Variants in SGCZ observed in about 807,000 individuals in gnomAD.
SGCZ encodes zeta-sarcoglycan.
A neutral mutation model predicts 41.3 loss-of-function variants in SGCZ; 40 were observed. The observed-to-expected ratio is 0.97, with a 90% CI of 0.75 to 1.26. The LOEUF (loss-of-function observed/expected upper bound fraction) is 1.26, where lower values mean the gene tolerates loss of function less well. SGCZ is among the 50% of genes most tolerant of loss of function. The probability of loss-of-function intolerance (pLI) is 0.00; values close to 1 mark genes in which losing one functional copy is unlikely to be tolerated. For missense variants in SGCZ, 552 were observed against 369.8 expected (o/e 1.49, Z -4.04); for synonymous variants, 206 against 137.5 (o/e 1.50, Z -3.49).
intron 4 of SGCZ, among the ~76,000 whole-genome samples, chr8:14,216,116 G>A (rs1003359217): frequency 6.6e-6 from 1 of 152,242 alleles, no homozygotes; most frequent in Non-Finnish European, 1.5e-5. Context: ...TCCCCTGAGA[G>A]AGTAGCCTTG....
intron 1 of SGCZ, among the ~76,000 whole-genome samples, chr8:14,955,189 A>T (rs1010325064): frequency 1.3e-5 from 2 of 152,092 alleles, no homozygotes; most frequent in African/African-American, 4.8e-5. Context: ...AAAAAAGAAA[A>T]CTTCAAAACT....
intron 2 of SGCZ, among the ~76,000 whole-genome samples, chr8:14,438,724 A>C (rs960394687): frequency 6.6e-6 from 1 of 151,986 alleles, no homozygotes; most frequent in Admixed American, 6.6e-5. Flanking sequence ...CTTAATTTTA[A>C]TTTTTTTAAA....
At chr8:14,491,329 G>A (rs1260319228) in intron 2 of SGCZ, among the ~76,000 whole-genome samples, 1 of 143,296 alleles carries the variant, frequency 7.0e-6, no homozygotes, top group African/African-American at 2.6e-5. Context: ...TACTCTACAG[G>A]CAAAAACATC....
chr8:14,207,759 TCTA>T (rs1805665175), intron 4 of SGCZ, among the ~76,000 whole-genome samples: 1 of 152,304 alleles, frequency 6.6e-6, no homozygotes, highest in South Asian at 2.1e-4. Context: ...ATTCTACCCT[TCTA>T]CTACAACTAC....
rs62498389 is a variant in SGCZ at position 14,506,117 on chromosome 8, C to T, written c.234+48615G>A. Among the ~76,000 whole-genome samples the T allele has an allele frequency of 6.3e-3, 964 of 152,102 alleles. 4 individuals are homozygous for T. The highest frequency in any genetic ancestry group is 0.028 in the South Asian group (135 of 4,814). On this transcript the variant is annotated intron_variant, in intron 2 of 7. Transcript: ENST00000382080. The stretch of plus-strand genomic sequence containing the variant: ...CTTTGGGAGGCCGAGGCAGGCGGAT[C>T]ATGAGGTCAGGAGTTCAAGACCAGC...
intron 1 of SGCZ, among the ~76,000 whole-genome samples, chr8:14,623,702 T>C (rs1158722875): frequency 6.6e-6 from 1 of 152,172 alleles, no homozygotes; most frequent in African/African-American, 2.4e-5. Context: ...CCCTTTTCCT[T>C]GAGGAAGCTG....
At chr8:14,129,677 T>A (rs1441924904) in intron 5 of SGCZ, among the ~76,000 whole-genome samples, 2 of 151,656 alleles carry the variant, frequency 1.3e-5, no homozygotes, top group Non-Finnish European at 2.9e-5. Context: ...CAAATCAGTG[T>A]TTCTATACGT....
Position 14,599,676 on chromosome 8 carries a change from G to A in SGCZ, c.40-44750C>T, listed in dbSNP as rs140845118. ...ATATTCATCTATACCCATAAATTCTGCCTTTCTTTTCCTAATAAATGAACA... is the reference window on the plus strand; with the variant it reads ...ATATTCATCTATACCCATAAATTCTACCTTTCTTTTCCTAATAAATGAACA... On this transcript the variant is annotated intron_variant, in intron 1 of 7. Coordinates refer to ENST00000382080, the MANE Select transcript of SGCZ (RefSeq NM_139167.4). Among the ~76,000 whole-genome samples, 58 of 152,164 alleles carry A rather than the reference G, an allele frequency of 3.8e-4. No individual in the cohort carries two copies. In the Middle Eastern group the frequency reaches 0.01, roughly 27 times the overall value.
chr8:14,444,153 C>A lies in SGCZ; in HGVS notation c.234+110579G>T, dbSNP rs568103320. On this transcript the variant is annotated intron_variant, in intron 2 of 7. Transcript: ENST00000382080. Reference sequence around the variant, plus strand: ...GTTAGAATGGCGATCATTAAAAAGTCAGGAAACAACAGGTGCTGGAGAGGT... The same window carrying A: ...GTTAGAATGGCGATCATTAAAAAGTAAGGAAACAACAGGTGCTGGAGAGGT... Among the ~76,000 whole-genome samples the A allele has an allele frequency of 7.4e-4, 112 of 152,200 alleles. 1 individual carries two copies. The highest frequency in any genetic ancestry group is 2.7e-3 in the African/African-American group (111 of 41,512).
intron 1 of SGCZ, among the ~76,000 whole-genome samples, chr8:15,050,726 T>G (rs1156971093): frequency 6.6e-6 from 1 of 152,016 alleles, no homozygotes; most frequent in Non-Finnish European, 1.5e-5. Context: ...AGCTGATGTG[T>G]GGAGAAGGGG....
intron 4 of SGCZ, among the ~76,000 whole-genome samples, chr8:14,209,001 A>G (rs1387168456): frequency 6.6e-6 from 1 of 152,202 alleles, no homozygotes; most frequent in Non-Finnish European, 1.5e-5. Flanking sequence ...TCTTGGGTGA[A>G]TGCTGGTAGC....
intron 3 of SGCZ, among the ~76,000 whole-genome samples, chr8:14,254,144 A>G (rs1799381942): frequency 6.6e-6 from 1 of 152,150 alleles, no homozygotes; most frequent in African/African-American, 2.4e-5. Context: ...GTGTCTAAGC[A>G]CTTATCTCGT....
At chr8:14,587,740 C>A (rs1201184877) in intron 1 of SGCZ, among the ~76,000 whole-genome samples, 3 of 151,982 alleles carry the variant, frequency 2.0e-5, no homozygotes, top group Admixed American at 6.6e-5. Flanking sequence ...AAATGATGTT[C>A]AATACTAAGT....
At chr8:14,622,628 C>T (rs999704736) in intron 1 of SGCZ, among the ~76,000 whole-genome samples, 1 of 152,138 alleles carries the variant, frequency 6.6e-6, no homozygotes, top group Non-Finnish European at 1.5e-5. Flanking sequence ...TAGAAGCCAG[C>T]TTAAAAAGTG....
chr8:14,991,363 CT>C (rs1802008890), intron 1 of SGCZ, among the ~76,000 whole-genome samples: 1 of 152,166 alleles, frequency 6.6e-6, no homozygotes, highest in African/African-American at 2.4e-5. Context: ...AGGCTCACTT[CT>C]GACCTATTCA....
At chr8:14,692,824 T>A (rs945744299) in intron 1 of SGCZ, among the ~76,000 whole-genome samples, 5 of 152,164 alleles carry the variant, frequency 3.3e-5, no homozygotes, top group African/African-American at 1.2e-4. Flanking sequence ...TAAAAACTAT[T>A]CAGGAAAATA....
intron 1 of SGCZ, among the ~76,000 whole-genome samples, chr8:15,168,087 G>A (rs536463488): frequency 2.0e-5 from 3 of 152,290 alleles, no homozygotes; most frequent in East Asian, 3.9e-4. Context: ...TCTTGTTGGA[G>A]GAGGACTCAA....
rs117806900 is a variant in SGCZ at position 14,254,912 on chromosome 8, C to T, written c.337-17233G>A. ...TCACAATTCAGTGACTATGAATTTG[C>T]ACAAAGTTCAAAATCTCTTCCTGAT... On this transcript the variant is annotated intron_variant, in intron 3 of 7. Transcript: ENST00000382080. 7.5e-3 allele frequency among the ~76,000 whole-genome samples: 1,144 copies of T among 152,222 alleles called. 5 individuals carry two copies. Among genetic ancestry groups the T allele is most frequent in the Middle Eastern group, 0.024 (7 of 294 alleles).
chr8:14,554,340 T>C (rs751673154), intron 2 of SGCZ, among the ~76,000 whole-genome samples: 1 of 152,042 alleles, frequency 6.6e-6, no homozygotes, highest in Non-Finnish European at 1.5e-5. Flanking sequence ...TATGAAGTAA[T>C]TCAAAGGCAC....
Sources: allele counts gnomAD v4.1 joint callset (sites outside exome capture counted in the v4.1 genomes callset), GRCh38; gene constraint gnomAD v4.1.1; transcripts MANE v1.5; gene names NCBI Gene and HGNC (gene_info 2026-07-23, HGNC 2026-07-21).